DLG2: variants seen among roughly 807,000 people sequenced by gnomAD.
The protein encoded by DLG2 is disks large homolog 2.
DLG2 carries 45 observed loss-of-function variants against 132.5 expected under a neutral mutation model. That is an observed-to-expected ratio of 0.34 (90% confidence interval 0.27 to 0.44). DLG2 has a LOEUF of 0.44. Among genes scored for constraint, DLG2 ranks in the 20% least tolerant of loss-of-function variants. DLG2 has a pLI of 1.00. For missense variants in DLG2, 1,045 were observed against 1,196.9 expected (o/e 0.87, Z 1.87); for synonymous variants, 424 against 419.6 (o/e 1.01, Z -0.13).
chr11:85,279,166 A>G lies in DLG2; in HGVS notation c.186+6054T>C, dbSNP rs151129879. Among the ~76,000 whole-genome samples, 1,211 of 152,304 alleles carry G rather than the reference A, an allele frequency of 8.0e-3. 11 individuals are homozygous for G. Among genetic ancestry groups the G allele is most frequent in the East Asian group, 0.018 (92 of 5,182 alleles). On this transcript the variant is annotated intron_variant, in intron 4 of 27. Coordinates refer to ENST00000376104, the MANE Select transcript of DLG2 (RefSeq NM_001142699.3). ...GTCAAGAACTAGAATATTGGAATCAAGAAGGGATCAAGTAAAAAGGATAGG... is the reference window on the plus strand; with the variant it reads ...GTCAAGAACTAGAATATTGGAATCAGGAAGGGATCAAGTAAAAAGGATAGG...
At chr11:83,730,206 T>C (rs2090760380) in intron 18 of DLG2, among the ~76,000 whole-genome samples, 2 of 150,408 alleles carry the variant, frequency 1.3e-5, no homozygotes, top group South Asian at 2.1e-4. Flanking sequence ...AAATGTTCAC[T>C]TTACTGTTTC....
At chr11:83,604,781 C>A (rs936893358) in intron 19 of DLG2, among the ~76,000 whole-genome samples, 1 of 152,064 alleles carries the variant, frequency 6.6e-6, no homozygotes, top group African/African-American at 2.4e-5. Flanking sequence ...ACCTTCCTCT[C>A]AATTTTGCTG....
chr11:85,357,238 T>TTGTGTGTGTGTG lies in DLG2; in HGVS notation c.41-71885_41-71874dup, dbSNP rs71036472. 3.9e-3 allele frequency among the ~76,000 whole-genome samples: 460 copies of TTGTGTGTGTGTG among 118,190 alleles called. 5 individuals are homozygous for TTGTGTGTGTGTG. Among genetic ancestry groups the TTGTGTGTGTGTG allele is most frequent in the Non-Finnish European group, 4.8e-3 (274 of 57,026 alleles). The allele number at this position is 118,190 out of a possible 152,430, so 77.5% of individuals were successfully genotyped here. A position where few individuals can be genotyped will look rare whatever the true frequency, so the allele number is the denominator to read the frequency against. ...TATCAGATTCCTTTCAATATCCTCT[T>TTGTGTGTGTGTG]TGTGTGTGTGTGTGTGTGTGTGTGT... On this transcript the variant is annotated intron_variant, in intron 3 of 27. Transcript: ENST00000376104.
chr11:84,706,909 G>A lies in DLG2; in HGVS notation c.358-172178C>T, dbSNP rs140616729. Among the ~76,000 whole-genome samples the A allele has an allele frequency of 6.0e-3, 916 of 151,828 alleles. 4 individuals carry two copies. Among genetic ancestry groups the A allele is most frequent in the Non-Finnish European group, 0.01 (691 of 67,812 alleles). On this transcript the variant is annotated intron_variant, in intron 6 of 27. Transcript: ENST00000376104. ...AAAAAGTTAACCTAACAACTGTAAA[G>A]GAAGTCTAGAGTTTTCCAGATAGAC...
chr11:85,585,888 GTA>G (rs1041234660), intron 3 of DLG2, among the ~76,000 whole-genome samples: 1 of 151,788 alleles, frequency 6.6e-6, no homozygotes, highest in African/African-American at 2.4e-5. Flanking sequence ...TAATTTTTTT[GTA>G]TATGTTTTTT....
At chr11:84,222,329 G>A (rs1302404097) in intron 8 of DLG2, among the ~76,000 whole-genome samples, 4 of 152,112 alleles carry the variant, frequency 2.6e-5, no homozygotes, top group Non-Finnish European at 5.9e-5. Context: ...ACCATGCCCG[G>A]CCAAGTTCTG....
chr11:84,370,632 G>A (rs566811496), intron 7 of DLG2, among the ~76,000 whole-genome samples: 1 of 152,088 alleles, frequency 6.6e-6, no homozygotes, highest in African/African-American at 2.4e-5. Context: ...ACACAAGACA[G>A]GTTTCTTCTT....
chr11:84,469,861 A>G (rs2099104221), intron 7 of DLG2, among the ~76,000 whole-genome samples: 1 of 151,708 alleles, frequency 6.6e-6, no homozygotes. Flanking sequence ...GATACATTCT[A>G]AGAAATGTGT....
intron 15 of DLG2, among the ~76,000 whole-genome samples, chr11:83,906,081 CTA>C (rs773692866): frequency 0.081 from 7,752 of 95,804 alleles, 273 homozygotes; most frequent in African/African-American, 0.15. Context: ...CTCTCTCTCT[CTA>C]TATATATATA....
intron 6 of DLG2, among the ~76,000 whole-genome samples, chr11:85,017,154 A>C (rs2059643136): frequency 6.6e-6 from 1 of 152,136 alleles, no homozygotes; most frequent in South Asian, 2.1e-4. Flanking sequence ...TCTCTGATTT[A>C]TATCATTGAC....
At chr11:83,682,268 C>T (rs1041214153) in intron 18 of DLG2, 30 of 985,328 alleles carry the variant, frequency 3.0e-5, no homozygotes, top group Non-Finnish European at 3.6e-5. Context: ...TCACACTTGC[C>T]TTTATAACTA....
chr11:85,287,121 G>A (rs2078606701), intron 3 of DLG2, among the ~76,000 whole-genome samples: 4 of 152,186 alleles, frequency 2.6e-5, no homozygotes, highest in East Asian at 1.9e-4. Flanking sequence ...TCTTTATTGT[G>A]CTTATAGTGC....
Position 84,556,490 on chromosome 11 carries a change from C to T in DLG2, c.358-21759G>A, listed in dbSNP as rs558075735. On this transcript the variant is annotated intron_variant, in intron 6 of 27. Coordinates refer to ENST00000376104, the MANE Select transcript of DLG2 (RefSeq NM_001142699.3). ...ACAATGGGAGAAGAATTGTCTTGGGCCACACATAAAACACACTGATAGCTG... is the reference window on the plus strand; with the variant it reads ...ACAATGGGAGAAGAATTGTCTTGGGTCACACATAAAACACACTGATAGCTG... Among the ~76,000 whole-genome samples, 8 of 152,188 alleles carry T rather than the reference C, an allele frequency of 5.3e-5. No homozygotes were observed. In the East Asian group the frequency reaches 1.5e-3, roughly 29 times the overall value.
At chr11:83,598,043 A>G (rs2057916702) in intron 19 of DLG2, among the ~76,000 whole-genome samples, 1 of 152,144 alleles carries the variant, frequency 6.6e-6, no homozygotes, top group Admixed American at 6.5e-5. Context: ...GATGCTCCCT[A>G]TTTTAGTCTA....
intron 17 of DLG2, among the ~76,000 whole-genome samples, chr11:83,822,617 A>T (rs2051146751): frequency 1.3e-5 from 2 of 152,120 alleles, no homozygotes; most frequent in South Asian, 4.1e-4. Context: ...GTGCATGGAG[A>T]AACAGAGATT....
At chr11:85,146,066 A>G (rs1466400697) in intron 5 of DLG2, among the ~76,000 whole-genome samples, 2 of 152,142 alleles carry the variant, frequency 1.3e-5, no homozygotes, top group African/African-American at 2.4e-5. Context: ...GATACCGCAG[A>G]ACTAGTAATG....
chr11:83,484,506 AGAATTTTTT>A (rs59308801), intron 21 of DLG2, among the ~76,000 whole-genome samples: 91,554 of 151,124 alleles, frequency 0.61, 28,146 homozygotes, highest in African/African-American at 0.7. Context: ...GAGAAGACCC[AGAATTTTTT>A]GAATTTTTTG....
intron 6 of DLG2, chr11:84,922,945 T>G: frequency 8.8e-7 from 1 of 1,132,410 alleles, no homozygotes; most frequent in Non-Finnish European, 1.3e-6. Flanking sequence ...AAACAAAGCC[T>G]TTGCAACCAC....
chr11:84,372,419 T>C (rs559479207), intron 7 of DLG2, among the ~76,000 whole-genome samples: 2 of 152,322 alleles, frequency 1.3e-5, no homozygotes, highest in East Asian at 3.9e-4. Flanking sequence ...ACACGAAATT[T>C]GTATTTAATA....
Sources: allele counts gnomAD v4.1 joint callset (sites outside exome capture counted in the v4.1 genomes callset), GRCh38; gene constraint gnomAD v4.1.1; transcripts MANE v1.5; gene names NCBI Gene and HGNC (gene_info 2026-07-23, HGNC 2026-07-21).